CASD1: variants seen among roughly 807,000 people sequenced by gnomAD.
The protein encoded by CASD1 is N-acetylneuraminate (7)9-O-acetyltransferase.
CASD1 carries 41 observed loss-of-function variants against 100.0 expected under a neutral mutation model. The ratio of observed to expected loss-of-function variants is 0.41; its 90% confidence interval spans 0.32 to 0.53. The LOEUF is 0.53. Among genes scored for constraint, CASD1 ranks in the 20% least tolerant of loss-of-function variants. The pLI, the probability that CASD1 is intolerant of heterozygous loss-of-function variation, is 0.25. For missense variants in CASD1, 774 were observed against 948.7 expected (o/e 0.82, Z 2.42); for synonymous variants, 321 against 315.6 (o/e 1.02, Z -0.18).
At position 94,555,973 on chromosome 7, in the gene CASD1, C is replaced by A. The variant is rs966503089; in HGVS notation, c.*215C>A. On this transcript the variant is annotated 3_prime_UTR_variant, in exon 18 of 18. Coordinates refer to ENST00000297273, the MANE Select transcript of CASD1 (RefSeq NM_022900.5). ...CTAAAACAAACAAACAAACAAAAAACCAGAATGCATTGTATAGGATTGCAT... is the reference window on the plus strand; with the variant it reads ...CTAAAACAAACAAACAAACAAAAAAACAGAATGCATTGTATAGGATTGCAT... 13 of 507,908 alleles carry A rather than the reference C, an allele frequency of 2.6e-5. No individual in the cohort carries two copies. Among genetic ancestry groups the A allele is most frequent in the Non-Finnish European group, 4.1e-5 (12 of 291,158 alleles). 31.5% of individuals were successfully genotyped at this position (507,908 alleles called of 1,614,324 possible).
the CASD1 span, chr7:94,588,337 C>G: frequency 9.2e-7 from 1 of 1,086,754 alleles, no homozygotes; most frequent in Non-Finnish European, 1.1e-6. Flanking sequence ...CTTCAAGCTG[C>G]TCACTTACTG....
chr7:94,545,289 T>C (rs1447120138), intron 11 of CASD1, among the ~76,000 whole-genome samples: 1 of 152,118 alleles, frequency 6.6e-6, no homozygotes, highest in Non-Finnish European at 1.5e-5. Flanking sequence ...ATGGCAGTTA[T>C]AGCCAGAGGA....
At chr7:94,628,974 G>GCTAA in the CASD1 span, 3 of 152,670 alleles carry the variant, frequency 2.0e-5, no homozygotes, top group Non-Finnish European at 4.4e-5. Context: ...TAGGAACATG[G>GCTAA]CTAACTATAT....
chr7:94,528,725 A>G (rs1794700780), intron 5 of CASD1, among the ~76,000 whole-genome samples: 1 of 152,046 alleles, frequency 6.6e-6, no homozygotes, highest in African/African-American at 2.4e-5. Flanking sequence ...ATGTTTGGAG[A>G]TAAATTAGAT....
intron 1 of CASD1, among the ~76,000 whole-genome samples, chr7:94,510,915 T>G (rs537117286): frequency 3.3e-5 from 5 of 152,284 alleles, no homozygotes; most frequent in African/African-American, 1.2e-4. Context: ...TGGAAGGAAG[T>G]TGTGGGTTGA....
intron 16 of CASD1, among the ~76,000 whole-genome samples, 174 bp downstream of exon 16, chr7:94,552,601 CTTGTA>C (rs1380521124): frequency 6.6e-6 from 1 of 152,114 alleles, no homozygotes; most frequent in Non-Finnish European, 1.5e-5. Flanking sequence ...TCAAAGGGTT[CTTGTA>C]TTTAATATAT....
rs1342974291 is a variant in CASD1 at position 94,555,485 on chromosome 7, C to T, written c.2128-7C>T. ...TAAATATCTGACTTAAATATTTTTT[C>T]TCCTAGCTATTTATTTGCCAGTATC... On this transcript the variant is annotated splice_region_variant and splice_polypyrimidine_tract_variant and intron_variant, in intron 17 of 17. Coordinates refer to ENST00000297273, the MANE Select transcript of CASD1 (RefSeq NM_022900.5). 2.5e-6 allele frequency: 4 copies of T among 1,607,128 alleles called. No homozygotes were observed. Among genetic ancestry groups the T allele is most frequent in the East Asian group, 2.2e-5 (1 of 44,652 alleles).
chr7:94,568,567 G>T, the CASD1 span, among the ~76,000 whole-genome samples: 1 of 152,080 alleles, frequency 6.6e-6, no homozygotes, highest in African/African-American at 2.4e-5. Flanking sequence ...TAGACAAAAG[G>T]CTAATCTCCC....
rs1795259032 is a variant in CASD1, at chr7:94,539,112, T to TAA, written c.1356+56_1356+57insAA. On this transcript the variant is annotated intron_variant, in intron 10 of 17. Coordinates refer to ENST00000297273, the MANE Select transcript of CASD1 (RefSeq NM_022900.5). Reference sequence around the variant, plus strand: ...ATAGGAAGTGATGTCATTTTAATGTTTCTTTAAGGGCACCAGCTTTTTTGT... The same window carrying TAA: ...ATAGGAAGTGATGTCATTTTAATGTTAATCTTTAAGGGCACCAGCTTTTTTGT... 10 of 1,018,568 alleles carry TAA rather than the reference T, an allele frequency of 9.8e-6. No homozygotes were observed. The South Asian group carries it at 1.4e-4, about 14-fold the overall frequency. The allele number at this position is 1,018,568 out of a possible 1,614,324, so 63.1% of individuals were successfully genotyped here.
rs1004430572 is a variant in CASD1, at chr7:94,555,489, T to C, written c.2128-3T>C. The C allele has an allele frequency of 6.2e-7, 1 of 1,610,352 alleles. No individual in the cohort carries two copies. The highest frequency in any genetic ancestry group is 8.5e-7 in the Non-Finnish European group (1 of 1,177,898). On this transcript the variant is annotated splice_region_variant and splice_polypyrimidine_tract_variant and intron_variant, in intron 17 of 17. Coordinates refer to ENST00000297273, the MANE Select transcript of CASD1 (RefSeq NM_022900.5). ...TATCTGACTTAAATATTTTTTCTCC[T>C]AGCTATTTATTTGCCAGTATCACAT...
At chr7:94,576,701 T>C in the CASD1 span, among the ~76,000 whole-genome samples, 55 of 152,314 alleles carry the variant, frequency 3.6e-4, no homozygotes, top group African/African-American at 1.0e-3. Flanking sequence ...AGTCACACAT[T>C]CCTCCTGGAA....
the CASD1 span, among the ~76,000 whole-genome samples, chr7:94,604,411 C>CAT: frequency 6.7e-6 from 1 of 149,892 alleles, no homozygotes; most frequent in Admixed American, 6.7e-5. Context: ...CCAGAATAGC[C>CAT]ATACACACAC....
intron 5 of CASD1, among the ~76,000 whole-genome samples, chr7:94,530,344 C>T (rs1794788633): frequency 6.6e-6 from 1 of 152,070 alleles, no homozygotes; most frequent in Non-Finnish European, 1.5e-5. Flanking sequence ...ATACAAAATG[C>T]TTCTTTATGT....
downstream of CASD1, among the ~76,000 whole-genome samples, chr7:94,560,172 C>T (rs941052931): frequency 1.3e-5 from 2 of 152,282 alleles, no homozygotes; most frequent in African/African-American, 4.8e-5. Context: ...ATGAATATGC[C>T]TTCCTTCATA....
In CASD1 at chr7:94,555,526, C is replaced by T. The variant is rs754141984; in HGVS notation, c.2162C>T (p.Ala721Val). 8 of 1,612,966 alleles carry T rather than the reference C, an allele frequency of 5.0e-6. No homozygotes were observed. Among genetic ancestry groups the T allele is most frequent in the Non-Finnish European group, 3.4e-6 (4 of 1,179,410 alleles). Residue 721 changes from alanine to valine, a missense_variant, in exon 18 of 18, where the codon GCG becomes GTG. By Grantham distance (64) the Ala-to-Val change is moderately conservative. Around this residue, in one of 5 missense-constraint regions of CASD1, gnomAD observed 175 missense variants for 206.9 expected, o/e 0.85. Transcript: ENST00000297273. Reference sequence around the variant, plus strand: ...TGCCAGTATCACATATGGCTGGCAGCGGACACAAGGGGTATCTTGGTACTG... The same window carrying T: ...TGCCAGTATCACATATGGCTGGCAGTGGACACAAGGGGTATCTTGGTACTG... ...FICQYHIWLA[A>V]DTRGILVLIP... is the part of the protein sequence containing the mutation.
intron 10 of CASD1, among the ~76,000 whole-genome samples, chr7:94,540,835 G>A (rs1795357292): frequency 6.6e-6 from 1 of 152,062 alleles, no homozygotes; most frequent in Non-Finnish European, 1.5e-5. Context: ...ATACCACTTA[G>A]AGACATAATT....
At chr7:94,560,667 A>G (rs1194835244), downstream of CASD1, among the ~76,000 whole-genome samples, 1 of 152,214 alleles carries the variant, frequency 6.6e-6, no homozygotes, top group African/African-American at 2.4e-5. Context: ...AACAGATTTT[A>G]TCAAAAGATA....
the CASD1 span, among the ~76,000 whole-genome samples, chr7:94,582,721 A>G: frequency 2.6e-5 from 4 of 152,206 alleles, no homozygotes; most frequent in Non-Finnish European, 5.9e-5. Context: ...TCCTGCTGTG[A>G]TAAACTTTTA....
chr7:94,585,422 T>C, the CASD1 span: 4 of 1,316,762 alleles, frequency 3.0e-6, no homozygotes, highest in African/African-American at 1.4e-5. Flanking sequence ...TCATGCATTA[T>C]TGGAAGAGAA....
Sources: gnomAD v4.1 joint callset for allele counts (sites outside exome capture counted in the v4.1 genomes callset) on GRCh38, gnomAD v4.1.1 for gene constraint, gnomAD v4.1.1 regional missense constraint, MANE v1.5 for transcripts, NCBI Gene and HGNC (gene_info 2026-07-23, HGNC 2026-07-21) for gene names.